The following LTBP2 variants were observed in gnomAD, a reference collection of about 807,000 sequenced individuals.
LTBP2 encodes latent-transforming growth factor beta-binding protein 2.
LTBP2 carries 103 observed loss-of-function variants against 210.6 expected under a neutral mutation model. The observed-to-expected ratio is 0.49, with a 90% CI of 0.42 to 0.58. The LOEUF is 0.58. LTBP2 is among the 20% of genes least tolerant of loss of function. The probability of loss-of-function intolerance (pLI) is 0.00; values close to 1 mark genes in which losing one functional copy is unlikely to be tolerated. For missense variants in LTBP2, 2,313 were observed against 2,494.5 expected (o/e 0.93, Z 1.55); for synonymous variants, 1,007 against 1,015.0 (o/e 0.99, Z 0.15).
At chr14:74,527,626 C>A (rs2087291079) in intron 12 of LTBP2, among the ~76,000 whole-genome samples, 1 of 152,214 alleles carries the variant, frequency 6.6e-6, no homozygotes. Context: ...AGCGGAAGGC[C>A]CTGCTTTCCT....
chr14:74,553,940 G>C (rs2087695048), intron 4 of LTBP2, among the ~76,000 whole-genome samples: 1 of 151,154 alleles, frequency 6.6e-6, no homozygotes, highest in Non-Finnish European at 1.5e-5. Context: ...GTGTGTGTGT[G>C]TGTGTGTGTG....
chr14:74,592,177 A>G (rs2088291726), intron 2 of LTBP2, among the ~76,000 whole-genome samples: 1 of 152,228 alleles, frequency 6.6e-6, no homozygotes, highest in African/African-American at 2.4e-5. Context: ...TAAATATCCA[A>G]AAGGAAATCG....
At chr14:74,566,052 G>T (rs1007452935) in intron 3 of LTBP2, among the ~76,000 whole-genome samples, 9 of 151,496 alleles carry the variant, frequency 5.9e-5, no homozygotes, top group Admixed American at 2.6e-4. Context: ...ACGGACACGT[G>T]CGTGTGCCTA....
intron 34 of LTBP2, chr14:74,501,887 G>A (rs898686746): frequency 8.1e-6 from 4 of 492,458 alleles, no homozygotes; most frequent in Admixed American, 6.6e-5. Flanking sequence ...TTGGGTGGTC[G>A]AGGAGTGTGT....
At chr14:74,537,008 TTTA>T (rs558007680) in intron 8 of LTBP2, among the ~76,000 whole-genome samples, 158 of 152,204 alleles carry the variant, frequency 1.0e-3, no homozygotes, top group African/African-American at 3.6e-3. Context: ...TAACATGGAT[TTTA>T]TTGTTATTAC....
At position 74,516,884 on chromosome 14, in the gene LTBP2, T is replaced by A; in HGVS notation, c.2846A>T (p.Glu949Val). Residue 949 changes from glutamate (E) to valine (V), a missense_variant, in exon 18 of 36, where the codon GAG (glutamate) becomes GTG (valine). Transcript: ENST00000261978. ...ATCACACTCGCAGTGGTACGAGCCC[T>A]CGGTGTTGGTGCACTGCCCCCCGCT... The part of the protein sequence containing the change: ...VCSGGQCTNT[E>V]GSYHCECDQG... 6.4e-7 allele frequency: 1 copy of A among 1,551,890 alleles called. No individual in the cohort carries two copies. The highest frequency in any genetic ancestry group is 1.2e-5 in the South Asian group (1 of 84,062).
In LTBP2 at chr14:74,586,483, G is replaced by A. The variant is rs530761591; in HGVS notation, c.566-365C>T. Among the ~76,000 whole-genome samples the A allele has an allele frequency of 1.0e-3, 158 of 152,284 alleles. 1 individual carries two copies. Among genetic ancestry groups the A allele is most frequent in the African/African-American group, 3.5e-3 (145 of 41,538 alleles). On this transcript the variant is annotated intron_variant, in intron 2 of 35. Transcript: ENST00000261978. This position sits in a 1 kb window ranked among gnomAD's most constrained non-coding sequence, Gnocchi z 4.6. ...CCCCCTGAGGACAGACAGCGGCCCCGGAACTTTGACTAGGGATTGCCACAG... is the reference window on the plus strand; with the variant it reads ...CCCCCTGAGGACAGACAGCGGCCCCAGAACTTTGACTAGGGATTGCCACAG...
intron 17 of LTBP2, among the ~76,000 whole-genome samples, chr14:74,521,014 C>T (rs2087195315): frequency 1.3e-5 from 2 of 152,238 alleles, no homozygotes; most frequent in South Asian, 4.1e-4. Context: ...TGAACACTAC[C>T]CGTGATTCTC....
rs368992787 is a variant in LTBP2 at position 74,552,518 on chromosome 14, C to G, written c.1193-125G>C. 150 of 864,578 alleles carry G rather than the reference C, an allele frequency of 1.7e-4. 1 individual carries two copies. The East Asian group carries it at 3.3e-3, about 19-fold the overall frequency. The allele number at this position is 864,578 out of a possible 1,614,324, so 53.6% of individuals were successfully genotyped here. The stretch of plus-strand genomic sequence containing the variant: ...CCTAGATGGCTCCTGTAGCCCGGAG[C>G]CCCCTGAAATGTAGGGACTTTCCAC... On this transcript the variant is annotated intron_variant, in intron 5 of 35. Transcript: ENST00000261978.
Position 74,551,069 on chromosome 14 carries a change from C to T in LTBP2, c.1681G>A (p.Gly561Arg), listed in dbSNP as rs771852388. The change falls in exon 7 of 36, where the codon GGA becomes AGA. Residue 561 changes from glycine to arginine, a missense_variant. Transcript: ENST00000261978. ...GGCCAGAGCTGTGTTCTCACCTGTCCGTTCACAGTGTTCAGGTAACACCGG... is the reference window on the plus strand; with the variant it reads ...GGCCAGAGCTGTGTTCTCACCTGTCTGTTCACAGTGTTCAGGTAACACCGG... ...LGRCYLNTVNGQCANPLLELT... is the reference protein window; with the variant it reads ...LGRCYLNTVNRQCANPLLELT... 3.7e-5 allele frequency: 59 copies of T among 1,613,610 alleles called. No homozygotes were observed. Among genetic ancestry groups the T allele is most frequent in the Admixed American group, 1.0e-4 (6 of 60,008 alleles).
intron 3 of LTBP2, among the ~76,000 whole-genome samples, chr14:74,561,130 C>A (rs1386117417): frequency 2.0e-5 from 3 of 152,062 alleles, no homozygotes; most frequent in African/African-American, 7.2e-5. Context: ...ACCAGCCTGG[C>A]CAACATGGTG....
rs528055496 is a variant in LTBP2 at position 74,572,643 on chromosome 14, T to C, written c.830+13211A>G. Reference sequence around the variant, plus strand: ...ACAAGAGGTGAAACCTGATACATATTTGAAAAACTTGAGCTCAAAAGGAGA... The same window carrying C: ...ACAAGAGGTGAAACCTGATACATATCTGAAAAACTTGAGCTCAAAAGGAGA... On this transcript the variant is annotated intron_variant, in intron 3 of 35. Coordinates refer to ENST00000261978, the MANE Select transcript of LTBP2 (RefSeq NM_000428.3). 4.6e-5 allele frequency among the ~76,000 whole-genome samples: 7 copies of C among 152,222 alleles called. No homozygotes were observed. The South Asian group carries it at 1.5e-3, about 32-fold the overall frequency.
intron 3 of LTBP2, among the ~76,000 whole-genome samples, chr14:74,583,718 A>C (rs1273610930): frequency 6.6e-6 from 1 of 152,202 alleles, no homozygotes; most frequent in Non-Finnish European, 1.5e-5. Context: ...AGCCTCATTT[A>C]TTTATCCATT....
At chr14:74,564,332 T>A (rs1352418180) in intron 3 of LTBP2, among the ~76,000 whole-genome samples, 2 of 7,506 alleles carry the variant, frequency 2.7e-4, no homozygotes, top group South Asian at 4.5e-3. Flanking sequence ...TATATATATT[T>A]ATATATATAT....
Position 74,585,945 on chromosome 14 carries a change from G to C in LTBP2, c.739C>G (p.Arg247Gly), listed in dbSNP as rs747686053. The C allele has an allele frequency of 6.2e-7, 1 of 1,613,870 alleles. No homozygotes were observed. Among genetic ancestry groups the C allele is most frequent in the South Asian group, 1.1e-5 (1 of 91,048 alleles). ...CCCTCTCCAGCCGCACTGCTCCTGC[G>C]CAGGTTGGGTGAACGCTCGGCCCAG... is the stretch of plus-strand genomic sequence containing the variant. ...RRWAERSPNLRRSSAAGEGTL... is the reference protein window; with the variant it reads ...RRWAERSPNLGRSSAAGEGTL... The change falls in exon 3 of 36, where the codon CGC becomes GGC. Residue 247 changes from arginine (R) to glycine (G), a missense_variant. Arg to Gly is a moderately radical substitution (Grantham distance 125, BLOSUM62 -2). Around this residue, in one of 3 missense-constraint regions of LTBP2, gnomAD observed 1,867 missense variants for 1,976.9 expected, o/e 0.94. Transcript: ENST00000261978.
rs752936834 is a variant in LTBP2, at chr14:74,525,217, T to C, written c.2437A>G (p.Thr813Ala). 1 of 1,326,180 alleles carries C rather than the reference T, an allele frequency of 7.5e-7. No homozygotes were observed. Among genetic ancestry groups the C allele is most frequent in the Admixed American group, 3.0e-5 (1 of 33,430 alleles). 82.2% of individuals were successfully genotyped at this position (1,326,180 alleles called of 1,614,324 possible). ...CCCTGTTCAGGCATTGGTGGGGTTG[T>C]GGCATTCCCTGTGGAGGAGAGAGGG... ...HAPAWVTGNA[T>A]TPPMPEQGIA... Residue 813 changes from threonine (T) to alanine (A), a missense_variant, in exon 15 of 36, where the codon ACA becomes GCA. Coordinates refer to ENST00000261978, the MANE Select transcript of LTBP2 (RefSeq NM_000428.3).
chr14:74,561,704 A>G (rs2087796253), intron 3 of LTBP2, among the ~76,000 whole-genome samples: 1 of 152,276 alleles, frequency 6.6e-6, no homozygotes, highest in South Asian at 2.1e-4. Flanking sequence ...CTTCCCAGCA[A>G]CTCCATTTTA....
intron 8 of LTBP2, among the ~76,000 whole-genome samples, chr14:74,546,006 A>T (rs777550600): frequency 6.6e-6 from 1 of 152,186 alleles, no homozygotes; most frequent in Non-Finnish European, 1.5e-5. Flanking sequence ...GTCCTTTTCC[A>T]TGTCAGGAAT....
At chr14:74,524,964 G>T (rs772118478) in intron 15 of LTBP2, among the ~76,000 whole-genome samples, 160 bp downstream of exon 15, 1 of 152,188 alleles carries the variant, frequency 6.6e-6, no homozygotes. Context: ...TGTAAGATGA[G>T]GCCAGGGGTG....
Sources: allele counts gnomAD v4.1 joint callset (sites outside exome capture counted in the v4.1 genomes callset), GRCh38; gene constraint gnomAD v4.1.1; regional missense constraint gnomAD v4.1.1; non-coding constraint Gnocchi (gnomAD v3.1); transcripts MANE v1.5; gene names NCBI Gene and HGNC (gene_info 2026-07-23, HGNC 2026-07-21).